CADM2: variants seen among roughly 807,000 people sequenced by gnomAD.
The protein encoded by CADM2 is immunoglobulin superfamily member 4D.
A neutral mutation model predicts 49.8 loss-of-function variants in CADM2; 12 were observed. The observed-to-expected ratio is 0.24, with a 90% CI of 0.15 to 0.39. The LOEUF is 0.39. CADM2 is among the 10% of genes least tolerant of loss of function. CADM2 has a pLI of 1.00. For synonymous variants in CADM2, 214 were observed against 175.4 expected (o/e 1.22, Z -1.74); for missense variants, 378 against 492.3 (o/e 0.77, Z 2.20).
chr3:85,477,120 G>A (rs972670027), intron 1 of CADM2, among the ~76,000 whole-genome samples: 1 of 151,696 alleles, frequency 6.6e-6, no homozygotes. Context: ...TGACCACTGG[G>A]TATGTGTTTC....
chr3:85,059,119 G>C (rs1278174977), intron 1 of CADM2, among the ~76,000 whole-genome samples: 1 of 151,732 alleles, frequency 6.6e-6, no homozygotes, highest in Non-Finnish European at 1.5e-5. Context: ...GGTGCCTGTA[G>C]TCCCAGCTAC....
intron 1 of CADM2, among the ~76,000 whole-genome samples, chr3:85,011,364 T>G (rs1415850291): frequency 2.0e-5 from 3 of 152,182 alleles, no homozygotes; most frequent in Non-Finnish European, 4.4e-5. Flanking sequence ...CAGCTACAAT[T>G]GGCTTGTAGA....
At chr3:85,370,325 G>A (rs1056295561) in intron 1 of CADM2, among the ~76,000 whole-genome samples, 11 of 151,536 alleles carry the variant, frequency 7.3e-5, no homozygotes, top group Admixed American at 5.3e-4. Flanking sequence ...CAAAGGCTGA[G>A]GCAGGAGAAT....
intron 2 of CADM2, among the ~76,000 whole-genome samples, chr3:85,773,576 T>G (rs1205350213): frequency 6.6e-6 from 1 of 152,080 alleles, no homozygotes; most frequent in Admixed American, 6.6e-5. Context: ...TTTGTATGAT[T>G]ACTTGTTTAG....
At chr3:85,410,041 G>T (rs1396149323) in intron 1 of CADM2, among the ~76,000 whole-genome samples, 5 of 151,976 alleles carry the variant, frequency 3.3e-5, no homozygotes, top group Admixed American at 3.3e-4. Context: ...CCTTCTCTTT[G>T]CATCCTCCCT....
chr3:85,009,066 C>T (rs369399777), intron 1 of CADM2, among the ~76,000 whole-genome samples: 9 of 152,238 alleles, frequency 5.9e-5, no homozygotes, highest in South Asian at 2.1e-4. Context: ...GAGATGTCTG[C>T]GCAGCCAGAT....
intron 8 of CADM2, among the ~76,000 whole-genome samples, chr3:86,006,215 A>G (rs961173641): frequency 4.6e-5 from 7 of 152,134 alleles, no homozygotes; most frequent in Non-Finnish European, 7.4e-5. Context: ...ATTTTTGCTA[A>G]TTTTTATAAG....
At chr3:85,150,044 C>G (rs1192782960) in intron 1 of CADM2, among the ~76,000 whole-genome samples, 3 of 152,188 alleles carry the variant, frequency 2.0e-5, no homozygotes, top group Non-Finnish European at 2.9e-5. Flanking sequence ...TTAAGGTTAA[C>G]TTAATTTCTC....
chr3:85,813,531 T>C (rs1298114078), intron 3 of CADM2, among the ~76,000 whole-genome samples: 1 of 152,206 alleles, frequency 6.6e-6, no homozygotes, highest in East Asian at 1.9e-4. Flanking sequence ...GTGCAGAAGT[T>C]CTTTAGTTTA....
intron 1 of CADM2, among the ~76,000 whole-genome samples, chr3:85,028,009 T>C (rs2034811778): frequency 6.6e-6 from 1 of 152,128 alleles, no homozygotes; most frequent in Non-Finnish European, 1.5e-5. Flanking sequence ...ATTACACTAT[T>C]AAAATAATTC....
chr3:84,965,773 C>T (rs1202735675), intron 1 of CADM2, among the ~76,000 whole-genome samples: 1 of 152,072 alleles, frequency 6.6e-6, no homozygotes, highest in African/African-American at 2.4e-5. Context: ...AGAGCATTTC[C>T]TGTACTATGA....
At chr3:85,391,643 A>G (rs2034522919) in intron 1 of CADM2, among the ~76,000 whole-genome samples, 1 of 152,138 alleles carries the variant, frequency 6.6e-6, no homozygotes, top group Non-Finnish European at 1.5e-5. Flanking sequence ...TACTAAAATT[A>G]TCTTGGCCAA....
intron 1 of CADM2, among the ~76,000 whole-genome samples, chr3:85,371,569 G>A (rs1250300104): frequency 6.7e-6 from 1 of 150,174 alleles, no homozygotes; most frequent in Non-Finnish European, 1.5e-5. Flanking sequence ...AGGTGCTTAA[G>A]TATGCAATTT....
intron 6 of CADM2, among the ~76,000 whole-genome samples, chr3:85,921,361 C>T (rs976025383): frequency 3.3e-5 from 5 of 151,712 alleles, no homozygotes; most frequent in Admixed American, 2.0e-4. Flanking sequence ...ATGAGAAAAA[C>T]GTATAGTTAG....
At chr3:85,172,131 CA>C (rs972665332) in intron 1 of CADM2, among the ~76,000 whole-genome samples, 3 of 151,844 alleles carry the variant, frequency 2.0e-5, no homozygotes, top group Non-Finnish European at 2.9e-5. Flanking sequence ...TGCCTACTGT[CA>C]AAAAAAATTA....
chr3:85,682,754 T>G (rs141970277), intron 1 of CADM2, among the ~76,000 whole-genome samples: 1 of 152,264 alleles, frequency 6.6e-6, no homozygotes, highest in Non-Finnish European at 1.5e-5. Flanking sequence ...TAACATTCTG[T>G]GTTGAATACA....
intron 1 of CADM2, among the ~76,000 whole-genome samples, chr3:85,221,738 CAG>C (rs1185365981): frequency 6.6e-6 from 1 of 152,108 alleles, no homozygotes; most frequent in East Asian, 1.9e-4. Flanking sequence ...CCATTGTAAA[CAG>C]GCGTTAGGAC....
At chr3:85,466,738 T>G (rs1398025984) in intron 1 of CADM2, among the ~76,000 whole-genome samples, 2 of 152,046 alleles carry the variant, frequency 1.3e-5, no homozygotes, top group Non-Finnish European at 2.9e-5. Context: ...TTTTTCAAAT[T>G]TTTAACAAAA....
chr3:85,119,279 C>T (rs59523340), intron 1 of CADM2, among the ~76,000 whole-genome samples: 11,157 of 152,026 alleles, frequency 0.073, 1,353 homozygotes, highest in African/African-American at 0.25. Context: ...GACATACATG[C>T]GGACCTATAG....
Sources: allele counts gnomAD v4.1 joint callset (sites outside exome capture counted in the v4.1 genomes callset), GRCh38; gene constraint gnomAD v4.1.1; transcripts MANE v1.5; gene names NCBI Gene and HGNC (gene_info 2026-07-23, HGNC 2026-07-21).